The following MAPRE2 variants were observed in gnomAD, a reference collection of about 807,000 sequenced individuals.
MAPRE2 encodes microtubule associated protein RP/EB family member 2, also known as microtubule-associated protein RP/EB family member 2.
A neutral mutation model predicts 43.2 loss-of-function variants in MAPRE2; 13 were observed. The ratio of observed to expected loss-of-function variants is 0.30; its 90% CI spans 0.20 to 0.48. The LOEUF (loss-of-function observed/expected upper bound fraction) is 0.48. Ranked by LOEUF, MAPRE2 falls within the 20% of genes least tolerant of loss-of-function variation. MAPRE2 has a pLI of 0.99. For missense variants in MAPRE2, 161 were observed against 400.2 expected, an observed-to-expected ratio of 0.40 and a Z score of 5.10; for synonymous variants, 135 against 148.8, an observed-to-expected ratio of 0.91 and a Z score of 0.68.
At chr18:35,081,686 G>A (rs950945959) in intron 2 of MAPRE2, among the ~76,000 whole-genome samples, 1 of 152,120 alleles carries the variant, frequency 6.6e-6, no homozygotes, top group African/African-American at 2.4e-5. Context: ...TGAAATCTGG[G>A]GAAGAATCCT....
rs369537560 is a variant in MAPRE2 at position 35,125,806 on chromosome 18, T to C, written c.611-1142T>C. On this transcript the variant is annotated intron_variant, in intron 4 of 6. Transcript: ENST00000300249. Reference sequence around the variant, plus strand: ...CCTGAGCTCCAGATAGGCGAGGTCTTACCTGAAACCAATGGTTTTTCTTTT... The same window carrying C: ...CCTGAGCTCCAGATAGGCGAGGTCTCACCTGAAACCAATGGTTTTTCTTTT... 8.5e-5 allele frequency among the ~76,000 whole-genome samples: 13 copies of C among 152,358 alleles called. 1 individual carries two copies. The highest frequency in any genetic ancestry group is 3.9e-4 in the Admixed American group (6 of 15,306).
Position 35,108,026 on chromosome 18 carries a change from G to A in MAPRE2, c.610+5867G>A, listed in dbSNP as rs74656897. On this transcript the variant is annotated intron_variant, in intron 4 of 6. Transcript: ENST00000300249. Reference sequence around the variant, plus strand: ...TTGTCTTCTTCTAAAAAAAAAAAGGGATACATGTGCAGAACGTACAGGTTT... The same window carrying A: ...TTGTCTTCTTCTAAAAAAAAAAAGGAATACATGTGCAGAACGTACAGGTTT... Among the ~76,000 whole-genome samples, 693 of 151,904 alleles carry A rather than the reference G, an allele frequency of 4.6e-3. 3 individuals are homozygous for A. The highest frequency in any genetic ancestry group is 0.016 in the African/African-American group (643 of 41,450).
intron 5 of MAPRE2, among the ~76,000 whole-genome samples, chr18:35,128,751 G>T (rs183498626): frequency 1.3e-5 from 2 of 152,202 alleles, no homozygotes; most frequent in South Asian, 4.1e-4. Context: ...AATTCTTTTG[G>T]TATCTTTCTT....
At chr18:34,985,181 T>G (rs1177158246) in intron 1 of MAPRE2, among the ~76,000 whole-genome samples, 5 of 73,906 alleles carry the variant, frequency 6.8e-5, no homozygotes, top group African/African-American at 2.8e-4. Context: ...AAATAATATA[T>G]AAATATAATA....
intron 6 of MAPRE2, among the ~76,000 whole-genome samples, chr18:35,136,133 TC>T (rs1910382219): frequency 6.6e-6 from 1 of 152,134 alleles, no homozygotes; most frequent in Non-Finnish European, 1.5e-5. Context: ...GTGGTTCAAT[TC>T]CCAGTTGTAG....
chr18:35,119,110 C>T (rs679890), intron 4 of MAPRE2, among the ~76,000 whole-genome samples: 25,937 of 152,118 alleles, frequency 0.17, 2,473 homozygotes, highest in East Asian at 0.28. Context: ...AGGAGGTTCT[C>T]GCCTCCCGTG....
chr18:35,127,424 A>G (rs1035159258), intron 5 of MAPRE2: 4 of 213,800 alleles, frequency 1.9e-5, no homozygotes, highest in African/African-American at 9.2e-5. Flanking sequence ...GCCATTCTAG[A>G]TAGTGCTGCA....
intron 2 of MAPRE2, among the ~76,000 whole-genome samples, chr18:35,077,272 T>TAC (rs201550975): frequency 9.6e-4 from 81 of 84,526 alleles, no homozygotes; most frequent in Admixed American, 3.8e-3. Flanking sequence ...CACACACACA[T>TAC]ACACACACAC....
At chr18:35,050,821 C>G (rs1192446848) in intron 1 of MAPRE2, among the ~76,000 whole-genome samples, 1 of 152,130 alleles carries the variant, frequency 6.6e-6, no homozygotes, top group African/African-American at 2.4e-5. Flanking sequence ...GGCCAGGAAA[C>G]AAGCCATCTG....
rs1292478607 is a variant in MAPRE2, at chr18:34,984,853, CAT to C, written c.-70+7778_-70+7779del. Among the ~76,000 whole-genome samples, 23 of 104,522 alleles carry C rather than the reference CAT, an allele frequency of 2.2e-4. 1 individual carries two copies. The highest frequency in any genetic ancestry group is 1.2e-3 in the Admixed American group (9 of 7,698). The allele number at this position is 104,522 out of a possible 152,430, so 68.6% of individuals were successfully genotyped here. On this transcript the variant is annotated intron_variant, in intron 1 of 7. Coordinates refer to the MAPRE2 transcript ENST00000413393. Reference sequence around the variant, plus strand: ...ATATAATATTTTATATGTTATATAACATATAAAATATATAATATATTTTATGT... The same window carrying C: ...ATATAATATTTTATATGTTATATAACATAAAATATATAATATATTTTATGT...
At chr18:35,100,764 G>A (rs946861720) in intron 3 of MAPRE2, among the ~76,000 whole-genome samples, 11 of 152,276 alleles carry the variant, frequency 7.2e-5, no homozygotes, top group African/African-American at 2.6e-4. Flanking sequence ...TTATCAGCCA[G>A]GCACAGTGGC....
At chr18:35,065,610 G>A (rs1462029521) in intron 1 of MAPRE2, among the ~76,000 whole-genome samples, 8 of 151,788 alleles carry the variant, frequency 5.3e-5, no homozygotes, top group Non-Finnish European at 8.8e-5. Context: ...CTGGAGTGCA[G>A]TGGCCCAATC....
At chr18:35,135,803 G>A (rs1232240241) in intron 6 of MAPRE2, among the ~76,000 whole-genome samples, 1 of 152,226 alleles carries the variant, frequency 6.6e-6, no homozygotes, top group Non-Finnish European at 1.5e-5. Flanking sequence ...CCAGCACTTT[G>A]TTCATGATGC....
upstream of MAPRE2, among the ~76,000 whole-genome samples, chr18:35,039,822 GAC>G (rs758273095): frequency 5.9e-5 from 9 of 152,164 alleles, no homozygotes; most frequent in Non-Finnish European, 1.3e-4. Flanking sequence ...AATACTTTAT[GAC>G]ACATATATTT....
At chr18:35,070,548 G>A (rs1907062126) in intron 2 of MAPRE2, 1 of 324,334 alleles carries the variant, frequency 3.1e-6, no homozygotes, top group African/African-American at 2.2e-5. Context: ...TATTGGAAAG[G>A]TCTCTTGCTT....
At chr18:34,989,763 A>G (rs1021888527) in intron 1 of MAPRE2, among the ~76,000 whole-genome samples, 1 of 151,882 alleles carries the variant, frequency 6.6e-6, no homozygotes, top group Non-Finnish European at 1.5e-5. Flanking sequence ...TGGCATCAGC[A>G]TCACCTGGGA....
chr18:35,032,604 A>G (rs2097048356), intron 2 of MAPRE2, among the ~76,000 whole-genome samples: 2 of 152,156 alleles, frequency 1.3e-5, no homozygotes, highest in Admixed American at 1.3e-4. Context: ...GGGACTCGAA[A>G]TTAAAATTCG....
At chr18:35,045,601 G>A (rs1415451972) in intron 1 of MAPRE2, among the ~76,000 whole-genome samples, 1 of 152,158 alleles carries the variant, frequency 6.6e-6, no homozygotes, top group African/African-American at 2.4e-5. Flanking sequence ...TATTGTGCAT[G>A]TGTGTGTGTT....
intron 2 of MAPRE2, among the ~76,000 whole-genome samples, chr18:35,091,990 A>G (rs1044341843): frequency 1.3e-5 from 2 of 152,248 alleles, no homozygotes; most frequent in African/African-American, 2.4e-5. Context: ...GCCAAGGGAA[A>G]GCAGGCACAT....
Sources: allele counts gnomAD v4.1 joint callset (sites outside exome capture counted in the v4.1 genomes callset), GRCh38; gene constraint gnomAD v4.1.1; transcripts MANE v1.5; gene names NCBI Gene and HGNC (gene_info 2026-07-23, HGNC 2026-07-21).